The following PPP1R16B variants were observed in gnomAD, a reference collection of about 807,000 sequenced individuals.
PPP1R16B encodes protein phosphatase 1 regulatory subunit 16B.
In PPP1R16B, 14 loss-of-function variants were observed where a neutral mutation model predicts 61.7. The ratio of observed to expected loss-of-function variants is 0.23; its 90% CI spans 0.15 to 0.35. The LOEUF (loss-of-function observed/expected upper bound fraction) is 0.35. Ranked by LOEUF, PPP1R16B falls within the 10% of genes least tolerant of loss-of-function variation. The pLI is 1.00. For synonymous variants in PPP1R16B, 266 were observed against 305.3 expected (o/e 0.87, Z 1.34); for missense variants, 547 against 752.5 (o/e 0.73, Z 3.19).
chr20:38,889,440 T>C (rs943977517), intron 2 of PPP1R16B, among the ~76,000 whole-genome samples, 155 bp from the exon 3 acceptor site: 23 of 152,218 alleles, frequency 1.5e-4, no homozygotes, highest in African/African-American at 5.6e-4. Context: ...ATCTACCTCT[T>C]GGAAATTCTG....
chr20:38,916,584 C>T (rs2085543291), intron 10 of PPP1R16B, among the ~76,000 whole-genome samples: 1 of 151,708 alleles, frequency 6.6e-6, no homozygotes, highest in Admixed American at 6.6e-5. Context: ...TCAGGCTTTG[C>T]ACTAATGAGA....
intron 1 of PPP1R16B, among the ~76,000 whole-genome samples, chr20:38,832,583 C>T (rs578137689): frequency 6.6e-6 from 1 of 152,266 alleles, no homozygotes; most frequent in Non-Finnish European, 1.5e-5. Flanking sequence ...GGTATGAAAC[C>T]AGCACAGCCA....
chr20:38,895,077 C>T (rs2085324182), intron 3 of PPP1R16B, among the ~76,000 whole-genome samples: 1 of 152,182 alleles, frequency 6.6e-6, no homozygotes, highest in African/African-American at 2.4e-5. Flanking sequence ...AAGCTATGAT[C>T]TTGAAACCGC....
At chr20:38,887,090 G>T (rs2085251023) in intron 2 of PPP1R16B, among the ~76,000 whole-genome samples, 1 of 152,052 alleles carries the variant, frequency 6.6e-6, no homozygotes. Context: ...AGAGGCAGAT[G>T]CATGGATGAT....
chr20:38,866,580 G>A (rs2085092111), intron 2 of PPP1R16B, among the ~76,000 whole-genome samples: 1 of 152,154 alleles, frequency 6.6e-6, no homozygotes, highest in South Asian at 2.1e-4. Flanking sequence ...TCTGGGGTGT[G>A]AGGCAAGGCA....
intron 2 of PPP1R16B, among the ~76,000 whole-genome samples, chr20:38,840,031 C>T (rs2145722643): frequency 6.6e-6 from 1 of 152,358 alleles, no homozygotes; most frequent in South Asian, 2.1e-4. Context: ...GGCCAGAATA[C>T]TGTGCTCTGT....
Position 38,806,008 on chromosome 20 carries a change from G to A in PPP1R16B, c.-102+216G>A, listed in dbSNP as rs1367481772. Among the ~76,000 whole-genome samples, 2 of 152,122 alleles carry A rather than the reference G, an allele frequency of 1.3e-5. No homozygotes were observed. The highest frequency in any genetic ancestry group is 1.9e-4 in the East Asian group (1 of 5,146). Reference sequence around the variant, plus strand: ...TAGGTCCGGGAGTCGGGCTGGAATGGGGGCGTTCTCCCCGGCCTCGCAATT... The same window carrying A: ...TAGGTCCGGGAGTCGGGCTGGAATGAGGGCGTTCTCCCCGGCCTCGCAATT... On this transcript the variant is annotated intron_variant, in intron 1 of 10. Coordinates refer to ENST00000299824, the MANE Select transcript of PPP1R16B (RefSeq NM_015568.4). The surrounding 1 kb of genome is among the most constrained non-coding windows in gnomAD (Gnocchi z 4.5).
chr20:38,843,473 T>A (rs984684258), intron 2 of PPP1R16B, among the ~76,000 whole-genome samples: 1 of 152,242 alleles, frequency 6.6e-6, no homozygotes, highest in African/African-American at 2.4e-5. Flanking sequence ...TTCCCTGCCA[T>A]GTGGCCCTCT....
intron 1 of PPP1R16B, among the ~76,000 whole-genome samples, chr20:38,824,688 A>G (rs573107829): frequency 6.6e-6 from 1 of 152,352 alleles, no homozygotes; most frequent in Admixed American, 6.5e-5. Flanking sequence ...TTTCCTTGGA[A>G]TTATTCTCTG....
At chr20:38,893,445 G>A (rs966977429) in intron 3 of PPP1R16B, among the ~76,000 whole-genome samples, 3 of 152,194 alleles carry the variant, frequency 2.0e-5, no homozygotes, top group African/African-American at 7.2e-5. Flanking sequence ...CTGGTCGAGG[G>A]TGTTAGGAAG....
At chr20:38,891,547 C>A (rs1197128745) in intron 3 of PPP1R16B, among the ~76,000 whole-genome samples, 3 of 152,204 alleles carry the variant, frequency 2.0e-5, no homozygotes, top group African/African-American at 7.2e-5. Flanking sequence ...CGCCTGTAAT[C>A]CCGGCTCTTT....
intron 10 of PPP1R16B, among the ~76,000 whole-genome samples, chr20:38,912,199 A>C (rs2085496612): frequency 6.6e-6 from 1 of 150,402 alleles, no homozygotes; most frequent in African/African-American, 2.5e-5. Context: ...TCCCGGGTTC[A>C]AGTGATTCTC....
chr20:38,840,483 C>T (rs959158400), intron 2 of PPP1R16B, among the ~76,000 whole-genome samples: 4 of 152,136 alleles, frequency 2.6e-5, no homozygotes, highest in African/African-American at 4.8e-5. Flanking sequence ...CTGCCCCAGG[C>T]GACGCCAGCT....
At chr20:38,892,625 C>G (rs2085300570) in intron 3 of PPP1R16B, among the ~76,000 whole-genome samples, 1 of 152,136 alleles carries the variant, frequency 6.6e-6, no homozygotes, top group African/African-American at 2.4e-5. Context: ...GCTGTGGCCA[C>G]AGGCACATAA....
Position 38,918,542 on chromosome 20 carries a change from C to A in PPP1R16B, c.1580C>A (p.Pro527Gln). ...KAPLIGGRTS[P>Q]YSSNGTSVYY... ...CCCTTGATCGGAGGCAGAACTTCACCGTACAGCAGCAATGGGACCTCGGTA... is the reference window on the plus strand; with the variant it reads ...CCCTTGATCGGAGGCAGAACTTCACAGTACAGCAGCAATGGGACCTCGGTA... The change falls in exon 11 of 11, where the codon CCG (proline) becomes CAG (glutamine). Residue 527 changes from proline (P) to glutamine (Q), a missense_variant. Transcript: ENST00000299824. This position sits in a 1 kb window ranked among gnomAD's most constrained non-coding sequence, Gnocchi z 5.3. 6.3e-7 allele frequency: 1 copy of A among 1,576,248 alleles called. No individual in the cohort carries two copies. Among genetic ancestry groups the A allele is most frequent in the South Asian group, 1.2e-5 (1 of 85,362 alleles).
rs79812400 is a variant in PPP1R16B at position 38,841,107 on chromosome 20, C to G, written c.250+4932C>G. Among the ~76,000 whole-genome samples, 1,238 of 152,012 alleles carry G rather than the reference C, an allele frequency of 8.1e-3. 9 individuals carry two copies. Among genetic ancestry groups the G allele is most frequent in the Middle Eastern group, 0.017 (5 of 294 alleles). ...CTCTCTGAGGTTAGAGAGTCAAACC[C>G]CATTTTTAAAAAATAGCTTGGGGTT... On this transcript the variant is annotated intron_variant, in intron 2 of 10. Transcript: ENST00000299824.
chr20:38,903,568 TCCGTCCGTCCGTC>T (rs2085414427), intron 6 of PPP1R16B, among the ~76,000 whole-genome samples: 1 of 64,688 alleles, frequency 1.5e-5, no homozygotes, highest in African/African-American at 5.5e-5. Flanking sequence ...CATCCATCCG[TCCGTCCGTCCGTC>T]CATCCATCCA....
chr20:38,833,903 G>T (rs1306606702), intron 1 of PPP1R16B, among the ~76,000 whole-genome samples: 1 of 152,226 alleles, frequency 6.6e-6, no homozygotes, highest in African/African-American at 2.4e-5. Context: ...CTGTAGAAAG[G>T]GCTTTTGGAG....
rs77164101 is a variant in PPP1R16B at position 38,918,153 on chromosome 20, G to A, written c.1195-4G>A. On this transcript the variant is annotated splice_region_variant and splice_polypyrimidine_tract_variant and intron_variant, in intron 10 of 10. Coordinates refer to ENST00000299824, the MANE Select transcript of PPP1R16B (RefSeq NM_015568.4). The surrounding 1 kb of genome is among the most constrained non-coding windows in gnomAD (Gnocchi z 5.3). ...GCTGGTAATGTTGTCCTTCTCACTC[G>A]CAGAACCCCAGGCTGGAGAAGCCCG... 3.1e-6 allele frequency: 5 copies of A among 1,612,478 alleles called. No homozygotes were observed. Among genetic ancestry groups the A allele is most frequent in the South Asian group, 2.2e-5 (2 of 91,060 alleles).
Sources: gnomAD v4.1 joint callset for allele counts (sites outside exome capture counted in the v4.1 genomes callset) on GRCh38, gnomAD v4.1.1 for gene constraint, Gnocchi (gnomAD v3.1) non-coding constraint, MANE v1.5 for transcripts, NCBI Gene and HGNC (gene_info 2026-07-23, HGNC 2026-07-21) for gene names.